Variants in SMARCC1 observed in about 807,000 individuals in gnomAD.
The protein encoded by SMARCC1 is SWI/SNF related BAF chromatin remodeling complex subunit C1.
In SMARCC1, 43 loss-of-function variants were observed where a neutral mutation model predicts 147.4. That is an observed-to-expected ratio of 0.29 (90% confidence interval 0.23 to 0.38). The LOEUF (loss-of-function observed/expected upper bound fraction) is 0.38, where lower values mean the gene tolerates loss of function less well. Ranked by LOEUF, SMARCC1 falls within the 10% of genes least tolerant of loss-of-function variation. The probability of loss-of-function intolerance (pLI) is 1.00; values close to 1 mark genes in which losing one functional copy is unlikely to be tolerated. For missense variants in SMARCC1, 1,119 were observed against 1,381.1 expected (o/e 0.81, Z 3.01); for synonymous variants, 495 against 484.4 (o/e 1.02, Z -0.29).
At chr3:47,780,624 G>C (rs1160694514) in intron 1 of SMARCC1, among the ~76,000 whole-genome samples, 1 of 152,146 alleles carries the variant, frequency 6.6e-6, no homozygotes, top group Non-Finnish European at 1.5e-5. Flanking sequence ...CAGCCACTAA[G>C]GGTAAGGCAA....
intron 25 of SMARCC1, among the ~76,000 whole-genome samples, chr3:47,619,278 T>C (rs1442517963): frequency 6.6e-6 from 1 of 152,228 alleles, no homozygotes; most frequent in African/African-American, 2.4e-5. Context: ...CCTTTCCACT[T>C]TCCCAACTAC....
At chr3:47,614,621 C>G (rs1171599505) in intron 25 of SMARCC1, among the ~76,000 whole-genome samples, 1 of 152,156 alleles carries the variant, frequency 6.6e-6, no homozygotes, top group Non-Finnish European at 1.5e-5. Context: ...CCACCCAGAA[C>G]TTCACCATTT....
At chr3:47,683,341 C>T (rs914566891) in intron 14 of SMARCC1, among the ~76,000 whole-genome samples, 2 of 151,912 alleles carry the variant, frequency 1.3e-5, no homozygotes, top group Non-Finnish European at 2.9e-5. Flanking sequence ...CCATCGCGCC[C>T]GGCCTATTCA....
chr3:47,748,718 T>C (rs2034594466), intron 2 of SMARCC1, among the ~76,000 whole-genome samples: 1 of 152,292 alleles, frequency 6.6e-6, no homozygotes, highest in South Asian at 2.1e-4. Context: ...CTAAATAAGA[T>C]GAAGTGTTAT....
chr3:47,590,741 C>T lies in SMARCC1; in HGVS notation c.3140G>A (p.Gly1047Asp), dbSNP rs1377617047. ...VAANIHPSGS[G>D]PTPPGMPPMP... Reference sequence around the variant, plus strand: ...TGGTGGCATGCCAGGAGGGGTAGGGCCACTCCCAGAGGGGTGGATGTTGGC... The same window carrying T: ...TGGTGGCATGCCAGGAGGGGTAGGGTCACTCCCAGAGGGGTGGATGTTGGC... The change falls in exon 27 of 28, where the codon GGC (glycine) becomes GAC (aspartate). Residue 1047 changes from glycine (G) to aspartate (D), a missense_variant. By Grantham distance (94) the Gly-to-Asp change is moderately conservative (BLOSUM62 -1). Transcript: ENST00000254480. 1.2e-6 allele frequency: 2 copies of T among 1,601,738 alleles called. No homozygotes were observed. The highest frequency in any genetic ancestry group is 2.7e-5 in the African/African-American group (2 of 74,188).
At chr3:47,704,311 T>C (rs1250821495) in intron 10 of SMARCC1, among the ~76,000 whole-genome samples, 8 of 152,212 alleles carry the variant, frequency 5.3e-5, no homozygotes, top group Non-Finnish European at 8.8e-5. Context: ...ATTTTCTAAG[T>C]ATATTTTTAA....
chr3:47,647,335 G>A (rs2033131078), intron 21 of SMARCC1, among the ~76,000 whole-genome samples: 1 of 152,116 alleles, frequency 6.6e-6, no homozygotes. Flanking sequence ...TAAATTATAT[G>A]AGATATTCAA....
At chr3:47,767,508 G>A (rs1217057524) in intron 2 of SMARCC1, among the ~76,000 whole-genome samples, 4 of 144,722 alleles carry the variant, frequency 2.8e-5, no homozygotes, top group African/African-American at 1.0e-4. Flanking sequence ...CCAAAGTGCT[G>A]GGATTACAAG....
At chr3:47,688,154 G>A (rs527564109) in intron 13 of SMARCC1, among the ~76,000 whole-genome samples, 16 of 152,142 alleles carry the variant, frequency 1.1e-4, no homozygotes, top group Non-Finnish European at 1.6e-4. Flanking sequence ...CAGCTACTCC[G>A]GAGGCTGAGG....
intron 9 of SMARCC1, among the ~76,000 whole-genome samples, chr3:47,706,846 A>G (rs772374773): frequency 5.3e-5 from 8 of 152,232 alleles, no homozygotes; most frequent in Admixed American, 1.3e-4. Flanking sequence ...TTGTATTTCA[A>G]TAACTACTGG....
chr3:47,617,456 C>T (rs1274991964), intron 25 of SMARCC1, among the ~76,000 whole-genome samples: 1 of 152,220 alleles, frequency 6.6e-6, no homozygotes, highest in Non-Finnish European at 1.5e-5. Context: ...CCAACAATGG[C>T]TTATGAATCT....
At chr3:47,698,059 C>T (rs1393280674) in intron 11 of SMARCC1, among the ~76,000 whole-genome samples, 1 of 81,418 alleles carries the variant, frequency 1.2e-5, no homozygotes, top group African/African-American at 4.3e-5. Flanking sequence ...CAAATACAGA[C>T]TAAAATAATC....
Position 47,679,002 on chromosome 3 carries a change from T to G in SMARCC1, c.1458-691A>C, listed in dbSNP as rs532580006. Among the ~76,000 whole-genome samples the G allele has an allele frequency of 3.9e-5, 6 of 152,192 alleles. No homozygotes were observed. In the South Asian group the frequency reaches 1.0e-3, roughly 26 times the overall value. ...ATAAGTAGAATCCATGAGACCAAAT[T>G]CAGAAAAGAACATACAAAAATGGAG... is the stretch of plus-strand genomic sequence containing the variant. On this transcript the variant is annotated intron_variant, in intron 15 of 27. Transcript: ENST00000254480.
intron 1 of SMARCC1, among the ~76,000 whole-genome samples, chr3:47,773,837 T>C (rs2034943752): frequency 6.6e-6 from 1 of 152,076 alleles, no homozygotes; most frequent in Non-Finnish European, 1.5e-5. Context: ...TTTCACTATG[T>C]TGGCCAGGCT....
chr3:47,705,844 G>C (rs1237676409), intron 10 of SMARCC1, among the ~76,000 whole-genome samples: 1 of 152,138 alleles, frequency 6.6e-6, no homozygotes, highest in African/African-American at 2.4e-5. Flanking sequence ...CATTTATTAA[G>C]TGTGTATTTA....
At chr3:47,612,945 G>C (rs1011020463) in intron 25 of SMARCC1, among the ~76,000 whole-genome samples, 1 of 152,104 alleles carries the variant, frequency 6.6e-6, no homozygotes, top group Non-Finnish European at 1.5e-5. Flanking sequence ...CCATGTACTG[G>C]CCTCGTCATG....
At chr3:47,590,139 C>G (rs1332997033) in intron 27 of SMARCC1, among the ~76,000 whole-genome samples, 1 of 152,220 alleles carries the variant, frequency 6.6e-6, no homozygotes. Context: ...CCTCATTGAG[C>G]TTGCTGGAAC....
intron 25 of SMARCC1, among the ~76,000 whole-genome samples, chr3:47,613,131 G>A (rs186290390): frequency 6.6e-6 from 1 of 152,124 alleles, no homozygotes; most frequent in Non-Finnish European, 1.5e-5. Context: ...TTAGGCATCT[G>A]GAAATCTGTC....
intron 1 of SMARCC1, among the ~76,000 whole-genome samples, chr3:47,775,254 A>AG (rs1559670106): frequency 6.8e-6 from 1 of 147,364 alleles, no homozygotes; most frequent in African/African-American, 2.5e-5. Flanking sequence ...TCTGCCCCCC[A>AG]GGTTCACAAC....
Sources: allele counts gnomAD v4.1 joint callset (sites outside exome capture counted in the v4.1 genomes callset), GRCh38; gene constraint gnomAD v4.1.1; transcripts MANE v1.5; gene names NCBI Gene and HGNC (gene_info 2026-07-23, HGNC 2026-07-21).